Variants in GNG7 observed in about 807,000 individuals in gnomAD.
GNG7 encodes the protein G protein subunit gamma 7, also known as guanine nucleotide-binding protein G(I)/G(S)/G(O) subunit gamma-7.
A neutral mutation model predicts 4.0 loss-of-function variants in GNG7; 1 was observed. The ratio of observed to expected loss-of-function variants is 0.25; its 90% confidence interval spans 0.09 to 1.18. The LOEUF is 1.18. Ranked by LOEUF, GNG7 falls within the 50% of genes most tolerant of loss-of-function variation. The pLI is 0.50. For missense variants in GNG7, 86 were observed against 91.9 expected, an observed-to-expected ratio of 0.94 and a Z score of 0.26; for synonymous variants, 34 against 36.9, an observed-to-expected ratio of 0.92 and a Z score of 0.29.
chr19:2,667,816 G>A (rs1983348246), intron 1 of GNG7, among the ~76,000 whole-genome samples: 1 of 152,164 alleles, frequency 6.6e-6, no homozygotes, highest in African/African-American at 2.4e-5. Context: ...TGGGGAGGCT[G>A]AGGCAAGAGA....
intron 1 of GNG7, among the ~76,000 whole-genome samples, chr19:2,701,931 C>T (rs1049736728): frequency 6.9e-6 from 1 of 145,772 alleles, no homozygotes; most frequent in African/African-American, 2.5e-5. Flanking sequence ...TAGCTTGGAC[C>T]TCCAATCCCA....
At chr19:2,696,194 G>T (rs1000602649) in intron 1 of GNG7, among the ~76,000 whole-genome samples, 1 of 123,370 alleles carries the variant, frequency 8.1e-6, no homozygotes, top group African/African-American at 2.8e-5. Context: ...AGGAGAGAGA[G>T]GGGAGAGAGG....
intron 2 of GNG7, among the ~76,000 whole-genome samples, chr19:2,588,165 A>G (rs542822925): frequency 6.6e-6 from 1 of 152,296 alleles, no homozygotes; most frequent in East Asian, 1.9e-4. Flanking sequence ...ACGGCACTTC[A>G]CAGGCTGCTT....
chr19:2,538,355 AC>A, intron 3 of GNG7: 1 of 445,424 alleles, frequency 2.2e-6, no homozygotes, highest in Non-Finnish European at 4.5e-6. Context: ...AGTGGTGGTG[AC>A]TCATGCCTGT....
chr19:2,592,921 G>A (rs899578428), intron 2 of GNG7, among the ~76,000 whole-genome samples: 1 of 145,912 alleles, frequency 6.9e-6, no homozygotes, highest in Admixed American at 6.8e-5. Context: ...AGGAAGGAAG[G>A]AGAGGGAGGG....
intron 1 of GNG7, among the ~76,000 whole-genome samples, chr19:2,664,338 T>C (rs1983250694): frequency 6.6e-6 from 1 of 152,156 alleles, no homozygotes; most frequent in Non-Finnish European, 1.5e-5. Flanking sequence ...AAAGTGCTGA[T>C]TGCAAAGGAA....
At chr19:2,651,343 CAT>C (rs1236790789) in intron 1 of GNG7, among the ~76,000 whole-genome samples, 24 of 25,982 alleles carry the variant, frequency 9.2e-4, no homozygotes, top group East Asian at 2.4e-3. Context: ...ACCTTCCCTC[CAT>C]CCCTCCCTCC....
chr19:2,667,200 T>C (rs1983332896), intron 1 of GNG7, among the ~76,000 whole-genome samples: 1 of 152,106 alleles, frequency 6.6e-6, no homozygotes, highest in South Asian at 2.1e-4. Flanking sequence ...GCTGCGCCTG[T>C]AATCCCGGAT....
intron 2 of GNG7, among the ~76,000 whole-genome samples, chr19:2,587,558 C>T (rs968032833): frequency 6.6e-6 from 1 of 152,058 alleles, no homozygotes. Context: ...GGGGTCGGTA[C>T]GCAGGCGGCC....
chr19:2,688,811 C>T (rs1484770567), intron 1 of GNG7, among the ~76,000 whole-genome samples: 2 of 152,204 alleles, frequency 1.3e-5, no homozygotes, highest in East Asian at 1.9e-4. Flanking sequence ...CCCGTCTGTC[C>T]TCCTAACACT....
At chr19:2,534,961 T>C (rs1275217751) in intron 3 of GNG7, among the ~76,000 whole-genome samples, 2 of 152,216 alleles carry the variant, frequency 1.3e-5, no homozygotes, top group African/African-American at 2.4e-5. Flanking sequence ...ACACAGCCTA[T>C]GGTTCATTTC....
chr19:2,528,269 T>TAAAAAAA (rs59084924), intron 3 of GNG7, among the ~76,000 whole-genome samples: 1 of 78,838 alleles, frequency 1.3e-5, no homozygotes, highest in Non-Finnish European at 2.3e-5. Context: ...AGACCCTGTC[T>TAAAAAAA]AAAAAAAAAA....
In GNG7 at chr19:2,513,703, A is replaced by C; in HGVS notation, c.*1319T>G. On this transcript the variant is annotated 3_prime_UTR_variant, in exon 5 of 5. Transcript: ENST00000382159. ...GTTTTGATCTCCGGGACAACGTCTCACCTCCCAGAGTCCTTCAGAGTCACT... is the reference window on the plus strand; with the variant it reads ...GTTTTGATCTCCGGGACAACGTCTCCCCTCCCAGAGTCCTTCAGAGTCACT... The C allele has an allele frequency of 1.4e-5, 4 of 293,148 alleles. No homozygotes were observed. Among genetic ancestry groups the C allele is most frequent in the South Asian group, 1.3e-4 (1 of 7,454 alleles). The allele number at this position is 293,148 out of a possible 1,614,324, so 18.2% of individuals were successfully genotyped here.
chr19:2,531,442 A>G (rs940997596), intron 3 of GNG7, among the ~76,000 whole-genome samples: 3 of 152,104 alleles, frequency 2.0e-5, no homozygotes, highest in East Asian at 3.9e-4. Context: ...GGTGGCCCCA[A>G]ATGCCTGGAA....
At chr19:2,603,083 T>G (rs1981263756) in intron 2 of GNG7, among the ~76,000 whole-genome samples, 1 of 151,832 alleles carries the variant, frequency 6.6e-6, no homozygotes, top group South Asian at 2.1e-4. Context: ...TGTTCTTTTT[T>G]TTGATGGAGT....
intron 3 of GNG7, among the ~76,000 whole-genome samples, chr19:2,527,610 G>A (rs1246466450): frequency 2.0e-5 from 3 of 151,338 alleles, no homozygotes; most frequent in East Asian, 3.9e-4. Context: ...GCTGAACTCC[G>A]AAGTTCCTAA....
chr19:2,565,159 G>A (rs1430762945), intron 2 of GNG7, among the ~76,000 whole-genome samples: 2 of 152,136 alleles, frequency 1.3e-5, no homozygotes, highest in Non-Finnish European at 2.9e-5. Flanking sequence ...CAGACTACAT[G>A]GGGAAAACGG....
In GNG7 at chr19:2,617,655, TGGACACCACGTGGCACAG is replaced by T; in HGVS notation, c.-78+28551_-78+28568del. ...GATGTCCCCTCCTTAGAGACCTTCCTGGACACCACGTGGCACAGACTCTCTCCTCTTGGTGCCACCTCA... is the reference window on the plus strand; with the variant it reads ...GATGTCCCCTCCTTAGAGACCTTCCTACTCTCTCCTCTTGGTGCCACCTCA... On this transcript the variant is annotated intron_variant, in intron 2 of 4. Transcript: ENST00000382159. This position sits in a 1 kb window ranked among gnomAD's most constrained non-coding sequence, Gnocchi z 4.7. Among the ~76,000 whole-genome samples, 1 of 152,034 alleles carries T rather than the reference TGGACACCACGTGGCACAG, an allele frequency of 6.6e-6. No homozygotes were observed. Among genetic ancestry groups the T allele is most frequent in the African/African-American group, 2.4e-5 (1 of 41,428 alleles).
chr19:2,579,999 C>T (rs1416389514), intron 2 of GNG7, among the ~76,000 whole-genome samples: 1 of 152,106 alleles, frequency 6.6e-6, no homozygotes, highest in African/African-American at 2.4e-5. Context: ...GTGTCCTCCT[C>T]GGACACCTGG....
Sources: gnomAD v4.1 joint callset for allele counts (sites outside exome capture counted in the v4.1 genomes callset) on GRCh38, gnomAD v4.1.1 for gene constraint, Gnocchi (gnomAD v3.1) non-coding constraint, MANE v1.5 for transcripts, NCBI Gene and HGNC (gene_info 2026-07-23, HGNC 2026-07-21) for gene names.